ASB3: variants seen among roughly 807,000 people sequenced by gnomAD.
The protein encoded by ASB3 is ankyrin repeat and SOCS box protein 3.
Under a neutral mutation model 54.5 loss-of-function variants are expected in ASB3, and 41 were observed. The observed-to-expected ratio is 0.75, with a 90% CI of 0.59 to 0.98. The LOEUF is 0.98. Among genes scored for constraint, ASB3 ranks in the 50% least tolerant of loss-of-function variants. The probability of loss-of-function intolerance (pLI) is 0.00; values close to 1 mark genes in which losing one functional copy is unlikely to be tolerated. For missense variants in ASB3, 733 were observed against 620.0 expected (o/e 1.18, Z -1.94); for synonymous variants, 266 against 221.2 (o/e 1.20, Z -1.80).
intron 9 of ASB3, among the ~76,000 whole-genome samples, chr2:53,678,063 T>C (rs1668175362): frequency 6.6e-6 from 1 of 152,170 alleles, no homozygotes; most frequent in Admixed American, 6.5e-5. Context: ...CTTATGTTGA[T>C]ATACCTACCA....
At chr2:53,745,993 T>C (rs1672201448) in intron 3 of ASB3, among the ~76,000 whole-genome samples, 1 of 152,182 alleles carries the variant, frequency 6.6e-6, no homozygotes, top group Middle Eastern at 3.2e-3. Context: ...AATCACTATA[T>C]GGTTATTTAA....
At position 53,703,055 on chromosome 2, in the gene ASB3, A is replaced by T. The variant is rs565799589; in HGVS notation, c.981-2527T>A. On this transcript the variant is annotated intron_variant, in intron 7 of 9. Transcript: ENST00000263634. ...AATGTAATAACAATGATTAGTATCAACTAGAAAAACAGACAAAACCAGGTG... is the reference window on the plus strand; with the variant it reads ...AATGTAATAACAATGATTAGTATCATCTAGAAAAACAGACAAAACCAGGTG... Among the ~76,000 whole-genome samples the T allele has an allele frequency of 1.4e-3, 213 of 152,374 alleles. 1 individual carries two copies. Among genetic ancestry groups the T allele is most frequent in the Middle Eastern group, 6.8e-3 (2 of 294 alleles).
At chr2:53,731,382 G>C (rs1401787167) in intron 3 of ASB3, among the ~76,000 whole-genome samples, 1 of 151,892 alleles carries the variant, frequency 6.6e-6, no homozygotes, top group Non-Finnish European at 1.5e-5. Context: ...ACTCCAGCCT[G>C]GGCGACAGAG....
At chr2:53,719,248 A>G (rs891376390) in intron 5 of ASB3, among the ~76,000 whole-genome samples, 1 of 152,184 alleles carries the variant, frequency 6.6e-6, no homozygotes, top group African/African-American at 2.4e-5. Context: ...TATATCAGAT[A>G]AAACAGACTT....
chr2:53,684,088 A>G (rs1318072206), intron 9 of ASB3, among the ~76,000 whole-genome samples: 2 of 152,204 alleles, frequency 1.3e-5, no homozygotes, highest in South Asian at 2.1e-4. Flanking sequence ...TGCTTTAGCT[A>G]TATCATTTAC....
intron 6 of ASB3, among the ~76,000 whole-genome samples, chr2:53,715,143 T>A (rs1316792340): frequency 6.6e-6 from 1 of 152,116 alleles, no homozygotes; most frequent in Non-Finnish European, 1.5e-5. Flanking sequence ...GCTCATTAAA[T>A]ATGGAGGCAG....
intron 1 of ASB3, chr2:53,771,827 T>C (rs1288871935): frequency 1.3e-6 from 1 of 778,970 alleles, no homozygotes. Context: ...AAATATTCCA[T>C]GTCAAAAATG....
intron 5 of ASB3, among the ~76,000 whole-genome samples, chr2:53,728,259 T>A (rs1671117926): frequency 6.6e-6 from 1 of 152,208 alleles, no homozygotes; most frequent in Admixed American, 6.5e-5. Context: ...TTTAGCAGGT[T>A]ATGTTACTAT....
intron 1 of ASB3, chr2:53,767,594 C>A (rs1011095277): frequency 5.6e-6 from 2 of 354,310 alleles, no homozygotes; most frequent in Non-Finnish European, 1.1e-5. Context: ...GTTTTCTGCA[C>A]ACGGGCACTA....
At chr2:53,783,610 A>G (rs1385118562) in intron 1 of ASB3, among the ~76,000 whole-genome samples, 2 of 152,320 alleles carry the variant, frequency 1.3e-5, no homozygotes, top group East Asian at 1.9e-4. Context: ...TCTTCCAGAG[A>G]AAAAAGTATG....
intron 9 of ASB3, among the ~76,000 whole-genome samples, chr2:53,677,624 T>C (rs115162069): frequency 0.11 from 16,617 of 152,256 alleles, 1,256 homozygotes; most frequent in Non-Finnish European, 0.16. Flanking sequence ...AGGAGGAACA[T>C]GAGTTTCCCC....
intron 1 of ASB3, among the ~76,000 whole-genome samples, chr2:53,766,600 T>C (rs775312426): frequency 5.9e-5 from 9 of 152,154 alleles, no homozygotes; most frequent in African/African-American, 1.9e-4. Flanking sequence ...TTTAAAAGTA[T>C]AAATAAAGTA....
intron 9 of ASB3, among the ~76,000 whole-genome samples, chr2:53,683,041 T>A (rs1407602138): frequency 6.6e-6 from 1 of 152,220 alleles, no homozygotes; most frequent in South Asian, 2.1e-4. Context: ...AGTGGGCATC[T>A]TTGTCATGTT....
intron 7 of ASB3, among the ~76,000 whole-genome samples, chr2:53,709,973 G>A (rs766289969): frequency 2.0e-5 from 3 of 152,176 alleles, no homozygotes; most frequent in South Asian, 2.1e-4. Context: ...GAGAGAAACC[G>A]AGGTTTCCTG....
At position 53,750,897 on chromosome 2, in the gene ASB3, A is replaced by T. The variant is rs1026802244; in HGVS notation, c.241T>A (p.Cys81Ser). Residue 81 changes from cysteine (C) to serine (S), a missense_variant, in exon 3 of 10, where the codon TGT becomes AGT. Cys to Ser is a moderately radical substitution (Grantham distance 112, BLOSUM62 -1). Coordinates refer to ENST00000263634, the MANE Select transcript of ASB3 (RefSeq NM_016115.5). The stretch of plus-strand genomic sequence containing the variant: ...TGACTTGCAGCGAGATGCAAAGCAC[A>T]GAAACCTTCAAAGGTCTTCATCTTA... ...YIKMKTFEGF[C>S]ALHLAASQGH... 3 of 1,600,230 alleles carry T rather than the reference A, an allele frequency of 1.9e-6. No homozygotes were observed. The highest frequency in any genetic ancestry group is 1.3e-5 in the African/African-American group (1 of 74,564).
chr2:53,682,638 G>A (rs998567338), intron 9 of ASB3, among the ~76,000 whole-genome samples: 6 of 151,682 alleles, frequency 4.0e-5, no homozygotes, highest in South Asian at 2.1e-4. Flanking sequence ...CACCACGCCC[G>A]GCTAATTTTT....
chr2:53,717,431 A>T (rs565741465), intron 5 of ASB3, among the ~76,000 whole-genome samples: 1 of 152,300 alleles, frequency 6.6e-6, no homozygotes, highest in South Asian at 2.1e-4. Context: ...TAATGCCTAC[A>T]ATCAGAGAAA....
At position 53,780,664 on chromosome 2, in the gene ASB3, G is replaced by A. The variant is rs574571387; in HGVS notation, c.-14+6157C>T. On this transcript the variant is annotated intron_variant, in intron 1 of 9. Transcript: ENST00000263634. ...ATAGTGGCACATGTCTGCAGTCCTA[G>A]CCACTCTGGAGGATAAAGCAGAAGG... is the stretch of plus-strand genomic sequence containing the variant. 2.0e-5 allele frequency among the ~76,000 whole-genome samples: 3 copies of A among 152,248 alleles called. No individual in the cohort carries two copies. In the East Asian group the frequency reaches 5.8e-4, roughly 29 times the overall value.
chr2:53,755,575 C>T (rs1672766930), intron 2 of ASB3, among the ~76,000 whole-genome samples: 1 of 152,122 alleles, frequency 6.6e-6, no homozygotes, highest in African/African-American at 2.4e-5. Context: ...ACCATTTACA[C>T]AATTTATATC....
Sources: allele counts gnomAD v4.1 joint callset (sites outside exome capture counted in the v4.1 genomes callset), GRCh38; gene constraint gnomAD v4.1.1; transcripts MANE v1.5; gene names NCBI Gene and HGNC (gene_info 2026-07-23, HGNC 2026-07-21).